Variants in PCDHA6 observed in about 807,000 individuals in gnomAD.
The protein encoded by PCDHA6 is protocadherin alpha 6, also known as protocadherin alpha-6.
PCDHA6 carries 55 observed loss-of-function variants against 60.3 expected under a neutral mutation model. That is an observed-to-expected ratio of 0.91 (90% CI 0.73 to 1.14). The LOEUF is 1.14. PCDHA6 is among the 50% of genes most tolerant of loss of function. The pLI is 0.00. For synonymous variants in PCDHA6, 652 were observed against 557.9 expected (o/e 1.17, Z -2.38); for missense variants, 1,327 against 1,256.5 (o/e 1.06, Z -0.85).
chr5:140,841,710 C>G (rs2150321322), intron 1 of PCDHA6: 2 of 1,613,856 alleles, frequency 1.2e-6, no homozygotes, highest in African/African-American at 1.3e-5. Context: ...AATGACAACC[C>G]GCCAGTGTTC....
intron 1 of PCDHA6, among the ~76,000 whole-genome samples, chr5:140,964,396 G>A (rs2095829712): frequency 6.6e-6 from 1 of 152,188 alleles, no homozygotes; most frequent in South Asian, 2.1e-4. Flanking sequence ...TTTCTCCCAA[G>A]ACATGACATT....
chr5:140,930,892 TTTAAC>T, intron 1 of PCDHA6, among the ~76,000 whole-genome samples: 1 of 152,332 alleles, frequency 6.6e-6, no homozygotes, highest in African/African-American at 2.4e-5. Context: ...AGGGAAAAAC[TTTAAC>T]TTACTTTTCT....
Position 140,925,039 on chromosome 5 carries a change from A to C in PCDHA6, c.2395-53910A>C, listed in dbSNP as rs554229960. ...GATGGGAGGATCGCTTGAGCCCAGA[A>C]GTTTGAGACCAGACTGGGCAACAAA... On this transcript the variant is annotated intron_variant, in intron 1 of 3. Coordinates refer to ENST00000529310, the MANE Select transcript of PCDHA6 (RefSeq NM_018909.4). Among the ~76,000 whole-genome samples the C allele has an allele frequency of 1.1e-4, 16 of 152,028 alleles. 1 individual carries two copies. The highest frequency in any genetic ancestry group is 1.6e-4 in the Non-Finnish European group (11 of 67,960).
chr5:141,002,879 A>G (rs2098100373), intron 3 of PCDHA6, among the ~76,000 whole-genome samples: 1 of 152,228 alleles, frequency 6.6e-6, no homozygotes, highest in Non-Finnish European at 1.5e-5. Flanking sequence ...TCAAGAACAG[A>G]AAGAGAACAA....
intron 1 of PCDHA6, chr5:140,875,264 C>G: frequency 8.4e-7 from 1 of 1,189,324 alleles, no homozygotes; most frequent in Non-Finnish European, 1.1e-6. Flanking sequence ...TGATGTCGCT[C>G]TACACTCAGA....
chr5:140,978,890 A>G (rs2096827624), intron 1 of PCDHA6, 59 bp from the exon 2 acceptor site: 1 of 1,612,616 alleles, frequency 6.2e-7, no homozygotes. Context: ...AATTAGCAGC[A>G]TTCCTGGGAG....
intron 1 of PCDHA6, chr5:140,857,650 G>C (rs1212312396): frequency 6.3e-7 from 1 of 1,596,628 alleles, no homozygotes; most frequent in Non-Finnish European, 8.6e-7. Flanking sequence ...AGTTCCAGGT[G>C]AGCGCGCGCG....
chr5:140,967,425 C>G, intron 1 of PCDHA6: 2 of 1,613,296 alleles, frequency 1.2e-6, no homozygotes, highest in Non-Finnish European at 1.7e-6. Context: ...CGGGAGCAGG[C>G]AGCCTTGCAC....
At chr5:140,831,917 A>C (rs73791796) in intron 1 of PCDHA6, among the ~76,000 whole-genome samples, 1 of 152,160 alleles carries the variant, frequency 6.6e-6, no homozygotes, top group South Asian at 2.1e-4. Flanking sequence ...TGCTTAAAAA[A>C]TTTGCTACTA....
chr5:140,968,046 T>A (rs1554230254), intron 1 of PCDHA6: 2 of 1,614,072 alleles, frequency 1.2e-6, no homozygotes, highest in African/African-American at 1.3e-5. Context: ...AGCGGCCCAC[T>A]GGACCGAGAG....
At chr5:140,857,887 G>A (rs2044983684) in intron 1 of PCDHA6, 6 of 1,597,818 alleles carry the variant, frequency 3.8e-6, no homozygotes, top group Middle Eastern at 1.7e-4. Flanking sequence ...TGCAGTCGGC[G>A]GCGGTTGGTG....
rs576672695 is a variant in PCDHA6, at chr5:140,976,134, A to G, written c.2395-2815A>G. On this transcript the variant is annotated intron_variant, in intron 1 of 3. Transcript: ENST00000529310. ...TTTTCCAAGTTTAATCAAGTTCTGG[A>G]TGAAACTCATGTACATTTTACTACT... Among the ~76,000 whole-genome samples the G allele has an allele frequency of 2.0e-5, 3 of 152,348 alleles. No homozygotes were observed. In the East Asian group the frequency reaches 5.8e-4, roughly 29 times the overall value.
rs190430267 is a variant in PCDHA6 at position 140,870,766 on chromosome 5, C to A, written c.2394+40281C>A. The A allele has an allele frequency of 3.4e-4, 554 of 1,613,562 alleles. 3 individuals are homozygous for A. The African/African-American group carries it at 6.6e-3, about 19-fold the overall frequency. On this transcript the variant is annotated intron_variant, in intron 1 of 3. Coordinates refer to ENST00000529310, the MANE Select transcript of PCDHA6 (RefSeq NM_018909.4). ...CAACGTGACGCTGCAGGTGTTCGTG[C>A]TGGACGAGAACGACAACGCGCCGGC...
chr5:140,845,916 T>G (rs1288140729), intron 1 of PCDHA6, among the ~76,000 whole-genome samples: 2 of 149,722 alleles, frequency 1.3e-5, no homozygotes, highest in African/African-American at 4.9e-5. Context: ...ATTAATCTTA[T>G]TTTTGTGTAA....
chr5:140,985,170 C>T (rs1465909141), intron 3 of PCDHA6, among the ~76,000 whole-genome samples: 12 of 152,168 alleles, frequency 7.9e-5, no homozygotes, highest in African/African-American at 2.9e-4. Flanking sequence ...ATCTCCTGAC[C>T]TCGTAATCCG....
rs377133743 is a variant in PCDHA6 at position 140,875,740 on chromosome 5, A to C, written c.2394+45255A>C. The C allele has an allele frequency of 2.1e-4, 339 of 1,614,222 alleles. No individual in the cohort carries two copies. The African/African-American group carries it at 4.0e-3, about 19-fold the overall frequency. On this transcript the variant is annotated intron_variant, in intron 1 of 3. Coordinates refer to ENST00000529310, the MANE Select transcript of PCDHA6 (RefSeq NM_018909.4). ...TGGCATTTTGTTTGTGAATTCTCGG[A>C]TCGACCGCGAGAAGCTGTGCGGGCG...
chr5:140,876,623 A>G (rs2056465121), intron 1 of PCDHA6: 1 of 1,614,086 alleles, frequency 6.2e-7, no homozygotes, highest in East Asian at 2.2e-5. Context: ...GCCAATGGAC[A>G]GGTCATCTGC....
chr5:140,997,864 C>A (rs2097788719), intron 3 of PCDHA6, among the ~76,000 whole-genome samples: 1 of 152,100 alleles, frequency 6.6e-6, no homozygotes, highest in South Asian at 2.1e-4. Context: ...ATTTCTTATG[C>A]ATGCTTGCTA....
intron 1 of PCDHA6, chr5:140,841,176 A>C (rs1194944312): frequency 9.2e-6 from 10 of 1,081,656 alleles, no homozygotes; most frequent in East Asian, 2.6e-5. Flanking sequence ...TGGTTGGTCA[A>C]TGTTCAAAGT....
Sources: gnomAD v4.1 joint callset for allele counts (sites outside exome capture counted in the v4.1 genomes callset) on GRCh38, gnomAD v4.1.1 for gene constraint, MANE v1.5 for transcripts, NCBI Gene and HGNC (gene_info 2026-07-23, HGNC 2026-07-21) for gene names.